Variants in DCX observed in about 807,000 individuals in gnomAD.
DCX encodes the protein neuronal migration protein doublecortin.
Under a neutral mutation model 20.9 loss-of-function variants are expected in DCX, and 4 were observed. The ratio of observed to expected loss-of-function variants is 0.19; its 90% CI spans 0.09 to 0.44. The LOEUF (loss-of-function observed/expected upper bound fraction) is 0.44. Ranked by LOEUF, DCX falls within the 20% of genes least tolerant of loss-of-function variation. The probability of loss-of-function intolerance (pLI) is 0.99; values close to 1 mark genes in which losing one functional copy is unlikely to be tolerated. For synonymous variants in DCX, 103 were observed against 111.4 expected, an observed-to-expected ratio of 0.92 and a Z score of 0.47; for missense variants, 133 against 296.9, an observed-to-expected ratio of 0.45 and a Z score of 4.06.
chrX:111,351,106 G>T (rs1319278776), intron 3 of DCX, among the ~76,000 whole-genome samples: 1 of 112,094 alleles, frequency 8.9e-6, no homozygotes, highest in East Asian at 2.8e-4. Flanking sequence ...TTTGGGTGAG[G>T]ACACAGCCAA....
intron 3 of DCX, among the ~76,000 whole-genome samples, chrX:111,365,700 A>T: frequency 9.0e-6 from 1 of 111,146 alleles, no homozygotes; most frequent in Non-Finnish European, 1.9e-5. Flanking sequence ...ACATTTATAA[A>T]CAAGAAAAAA....
chrX:111,315,105 T>C (rs1301197935), intron 5 of DCX, among the ~76,000 whole-genome samples: 1 of 109,568 alleles, frequency 9.1e-6, no homozygotes, highest in Non-Finnish European at 1.9e-5. Flanking sequence ...GTTTAACGTT[T>C]AAATCTTTAA....
At chrX:111,393,894 A>G (rs971241779) in intron 3 of DCX, among the ~76,000 whole-genome samples, 2 of 111,661 alleles carry the variant, frequency 1.8e-5, no homozygotes, top group Admixed American at 1.9e-4. Context: ...ATACAATACG[A>G]ATAAGGATGG....
In DCX at chrX:111,297,368, A is replaced by G. The variant is rs745976268; in HGVS notation, c.*4319T>C. ...GGCATCCTGTTCTCTTGTCCTAGGG[A>G]TATGGATTTTTAAAAAATAAAAGCC... On this transcript the variant is annotated 3_prime_UTR_variant, in exon 7 of 7. Coordinates refer to ENST00000636035, the MANE Select transcript of DCX (RefSeq NM_001195553.2). 6 of 111,499 alleles carry G rather than the reference A, an allele frequency of 5.4e-5. No individual in the cohort carries two copies. Among genetic ancestry groups the G allele is most frequent in the African/African-American group, 9.8e-5 (3 of 30,591 alleles). The allele number at this position is 111,499 out of a possible 1,213,427, so 9.2% of individuals were successfully genotyped here. A position where few individuals can be genotyped will look rare whatever the true frequency, so the allele number is the denominator to read the frequency against.
rs927791450 is a variant in DCX, at chrX:111,296,897, T to C, written c.*4790A>G. 4.5e-5 allele frequency: 5 copies of C among 111,342 alleles called. No homozygotes were observed. Among genetic ancestry groups the C allele is most frequent in the Non-Finnish European group, 9.4e-5 (5 of 53,078 alleles). 9.2% of individuals were successfully genotyped at this position (111,342 alleles called of 1,213,427 possible). On this transcript the variant is annotated 3_prime_UTR_variant, in exon 7 of 7. Coordinates refer to ENST00000636035, the MANE Select transcript of DCX (RefSeq NM_001195553.2). The stretch of plus-strand genomic sequence containing the variant: ...GGACGCAACACTAAGAGTCTGGGTG[T>C]ATAAAGACCATACTAGACTTTTGGA...
At chrX:111,321,181 G>A (rs774883351) in intron 5 of DCX, among the ~76,000 whole-genome samples, 4 of 111,735 alleles carry the variant, frequency 3.6e-5, no homozygotes, top group Non-Finnish European at 5.6e-5. Context: ...TTCATTCACC[G>A]AACCAGCTGG....
intron 3 of DCX, among the ~76,000 whole-genome samples, chrX:111,345,395 G>C (rs1230811360): frequency 8.9e-6 from 1 of 111,843 alleles, no homozygotes; most frequent in Non-Finnish European, 1.9e-5. Context: ...TGACAAATAG[G>C]TTCTAATTAA....
At chrX:111,409,395 T>C (rs1451931628) in intron 2 of DCX, among the ~76,000 whole-genome samples, 3 of 111,065 alleles carry the variant, frequency 2.7e-5, no homozygotes, top group African/African-American at 9.8e-5. Flanking sequence ...GTATAGTGAG[T>C]CAAATCCTAT....
chrX:111,373,823 A>G (rs749848858), intron 3 of DCX, among the ~76,000 whole-genome samples: 1 of 112,160 alleles, frequency 8.9e-6, no homozygotes, highest in East Asian at 2.8e-4. Context: ...AGTGTCTGGT[A>G]TATAGTAACT....
chrX:111,313,790 T>A (rs758973368), intron 5 of DCX, among the ~76,000 whole-genome samples: 3 of 109,235 alleles, frequency 2.7e-5, no homozygotes, highest in South Asian at 8.3e-4. Flanking sequence ...ATTTTTTTTT[T>A]AATCTTAAGA....
intron 5 of DCX, among the ~76,000 whole-genome samples, chrX:111,318,666 G>A (rs1444216940): frequency 9.0e-6 from 1 of 111,050 alleles, no homozygotes; most frequent in Non-Finnish European, 1.9e-5. Flanking sequence ...GAAGCTGGAG[G>A]CCATTATCCT....
chrX:111,325,569 C>T (rs186732044), intron 5 of DCX, among the ~76,000 whole-genome samples: 2 of 112,189 alleles, frequency 1.8e-5, no homozygotes, highest in East Asian at 2.8e-4. Flanking sequence ...ATCTAATTCA[C>T]GTAAAAAGAT....
intron 2 of DCX, among the ~76,000 whole-genome samples, chrX:111,407,018 GA>G (rs772205914): frequency 9.8e-5 from 11 of 111,861 alleles, no homozygotes; most frequent in African/African-American, 3.6e-4. Flanking sequence ...TTAATGATAA[GA>G]ACAAACCTAT....
intron 3 of DCX, among the ~76,000 whole-genome samples, chrX:111,333,476 C>T (rs1921449673): frequency 9.0e-6 from 1 of 111,353 alleles, no homozygotes; most frequent in Non-Finnish European, 1.9e-5. Context: ...GTCACCTTTT[C>T]TCAGAGCCTC....
chrX:111,314,979 G>C (rs1293089748), intron 5 of DCX, among the ~76,000 whole-genome samples: 1 of 107,074 alleles, frequency 9.3e-6, no homozygotes, highest in Non-Finnish European at 1.9e-5. Context: ...GATCCCATTT[G>C]TCAATTTTGT....
At chrX:111,389,364 T>C (rs1462822301) in intron 3 of DCX, among the ~76,000 whole-genome samples, 1 of 111,230 alleles carries the variant, frequency 9.0e-6, no homozygotes, top group Admixed American at 9.6e-5. Flanking sequence ...ACAGGGCCTT[T>C]TCCTTGGACA....
chrX:111,358,282 T>C (rs1185977827), intron 3 of DCX, among the ~76,000 whole-genome samples: 1 of 112,269 alleles, frequency 8.9e-6, no homozygotes, highest in Non-Finnish European at 1.9e-5. Context: ...CTCTGCAATG[T>C]CAGACAATAT....
rs200058275 is a variant in DCX, at chrX:111,402,782, GGTGTGTGT to G, written c.365-1460_365-1453del. 6.5e-3 allele frequency among the ~76,000 whole-genome samples: 626 copies of G among 96,855 alleles called. 9 individuals are homozygous for G. The highest frequency in any genetic ancestry group is 0.022 in the African/African-American group (570 of 25,740). The allele number at this position is 96,855 out of a possible 115,157, so 84.1% of individuals were successfully genotyped here. A position where few individuals can be genotyped will look rare whatever the true frequency, so the allele number is the denominator to read the frequency against. On this transcript the variant is annotated intron_variant, in intron 2 of 6. Transcript: ENST00000636035. ...TGTGTATGTGTGTGTGTGTGTGCGT[GGTGTGTGT>G]GTGTGTGTGTGTGTGTGTGTGTGTG... is the stretch of plus-strand genomic sequence containing the variant.
intron 4 of DCX, among the ~76,000 whole-genome samples, chrX:111,331,839 T>C (rs369814242): frequency 8.9e-6 from 1 of 112,340 alleles, no homozygotes; most frequent in African/African-American, 3.2e-5. Context: ...CTCATTTTGC[T>C]GATGAGAGTA....
Sources: allele counts gnomAD v4.1 joint callset (sites outside exome capture counted in the v4.1 genomes callset), GRCh38; gene constraint gnomAD v4.1.1; transcripts MANE v1.5; gene names NCBI Gene and HGNC (gene_info 2026-07-23, HGNC 2026-07-21).